The following ACACB variants were observed in gnomAD, a reference collection of about 807,000 sequenced individuals.
ACACB encodes the protein acetyl-CoA carboxylase beta.
Under a neutral mutation model 278.8 loss-of-function variants are expected in ACACB, and 209 were observed. That is an observed-to-expected ratio of 0.75 (90% confidence interval 0.67 to 0.84). ACACB has a LOEUF of 0.84. Ranked by LOEUF, ACACB falls within the 40% of genes least tolerant of loss-of-function variation. The probability of loss-of-function intolerance (pLI) is 0.00; values close to 1 mark genes in which losing one functional copy is unlikely to be tolerated. For synonymous variants in ACACB, 1,174 were observed against 1,285.6 expected (o/e 0.91, Z 1.86); for missense variants, 2,850 against 3,269.0 (o/e 0.87, Z 3.13).
intron 37 of ACACB, among the ~76,000 whole-genome samples, chr12:109,245,015 C>T (rs944278852): frequency 2.6e-5 from 4 of 151,960 alleles, no homozygotes; most frequent in African/African-American, 7.3e-5. Flanking sequence ...GCCTGACCAA[C>T]ATGGAGAAAC....
At chr12:109,177,853 C>T (rs998259908) in intron 9 of ACACB, among the ~76,000 whole-genome samples, 3 of 152,070 alleles carry the variant, frequency 2.0e-5, no homozygotes, top group Admixed American at 6.6e-5. Flanking sequence ...AAAAAATAGA[C>T]TTTATTTATT....
At chr12:109,233,146 A>T (rs2046525517) in intron 29 of ACACB, among the ~76,000 whole-genome samples, 1 of 152,178 alleles carries the variant, frequency 6.6e-6, no homozygotes, top group Non-Finnish European at 1.5e-5. Context: ...TCGTTTTCTT[A>T]TCTGTAAAAT....
At position 109,209,917 on chromosome 12, in the gene ACACB, GTA is replaced by G. The variant is rs1270343390; in HGVS notation, c.3249+570_3249+571del. Reference sequence around the variant, plus strand: ...TATATACACACATACACACACGTGTGTATATATGTGTATACACACATACACAC... The same window carrying G: ...TATATACACACATACACACACGTGTGTATATGTGTATACACACATACACAC... On this transcript the variant is annotated intron_variant, in intron 21 of 52. Coordinates refer to ENST00000338432, the MANE Select transcript of ACACB (RefSeq NM_001093.4). Among the ~76,000 whole-genome samples the G allele has an allele frequency of 1.3e-3, 142 of 106,112 alleles. 16 individuals carry two copies. In the South Asian group the frequency reaches 0.019, roughly 14 times the overall value. The allele number at this position is 106,112 out of a possible 152,430, so 69.6% of individuals were successfully genotyped here.
At chr12:109,262,950 T>TTTTATATATATATA (rs1346750205) in intron 49 of ACACB, 1,244 of 62,484 alleles carry the variant, frequency 0.02, 104 homozygotes, top group Admixed American at 0.042. Context: ...CTTTTTAACA[T>TTTTATATATATATA]TATATATATA....
At chr12:109,144,555 T>A (rs948875981) in intron 2 of ACACB, among the ~76,000 whole-genome samples, 9 of 152,050 alleles carry the variant, frequency 5.9e-5, no homozygotes, top group Admixed American at 2.6e-4. Context: ...CACAGCAAAT[T>A]TGATTTAAAA....
Position 109,191,886 on chromosome 12 carries a change from G to A in ACACB, c.2335G>A (p.Ala779Thr). 1 of 1,614,206 alleles carries A rather than the reference G, an allele frequency of 6.2e-7. No homozygotes were observed. The highest frequency in any genetic ancestry group is 8.5e-7 in the Non-Finnish European group (1 of 1,180,040). ...TATCATGCTTGGGGTGGTATGCGGG[G>A]CCTTGAACGTGGCCGATGCGATGTT... ...PDIMLGVVCG[A>T]LNVADAMFRT... The change falls in exon 15 of 53, where the codon GCC (alanine) becomes ACC (threonine). Residue 779 changes from alanine (A) to threonine (T), a missense_variant. Coordinates refer to ENST00000338432, the MANE Select transcript of ACACB (RefSeq NM_001093.4).
At chr12:109,219,714 T>C (rs972145363) in intron 24 of ACACB, among the ~76,000 whole-genome samples, 1 of 152,176 alleles carries the variant, frequency 6.6e-6, no homozygotes. Context: ...AAATCAAATA[T>C]GATAATGTGG....
intron 1 of ACACB, among the ~76,000 whole-genome samples, chr12:109,128,793 T>C (rs534803073): frequency 1.4e-4 from 22 of 151,974 alleles, no homozygotes; most frequent in East Asian, 1.4e-3. Context: ...GACTTTTTTT[T>C]CCCAATTTAA....
chr12:109,179,907 T>G lies in ACACB; in HGVS notation c.1648-10T>G. On this transcript the variant is annotated splice_polypyrimidine_tract_variant and intron_variant, in intron 10 of 52. Transcript: ENST00000338432. ...TGGAACCCCCTTGGCCTCTTTCTGT[T>G]TCTTCACAGTGTGCCATCCGCCTGG... The G allele has an allele frequency of 6.3e-7, 1 of 1,596,622 alleles. No individual in the cohort carries two copies. Among genetic ancestry groups the G allele is most frequent in the Non-Finnish European group, 8.6e-7 (1 of 1,165,632 alleles).
At chr12:109,259,634 A>G (rs1055880260) in intron 47 of ACACB, among the ~76,000 whole-genome samples, 1 of 151,794 alleles carries the variant, frequency 6.6e-6, no homozygotes, top group African/African-American at 2.4e-5. Flanking sequence ...GTCACTTTCT[A>G]GAGGTCACAC....
upstream of ACACB, among the ~76,000 whole-genome samples, chr12:109,111,850 T>TA (rs1446660665): frequency 2.0e-5 from 3 of 152,192 alleles, no homozygotes; most frequent in Admixed American, 1.3e-4. Flanking sequence ...TGCTTGAAAA[T>TA]ACTGCTTCCT....
intron 25 of ACACB, 28 bp from the exon 26 acceptor site, chr12:109,222,771 G>A (rs375880093): frequency 1.1e-5 from 18 of 1,595,016 alleles, no homozygotes; most frequent in Admixed American, 3.3e-5. Flanking sequence ...GTTGGCTCAC[G>A]CCAGCGCCCC....
At chr12:109,197,584 C>T (rs978392949) in intron 17 of ACACB, among the ~76,000 whole-genome samples, 3 of 152,048 alleles carry the variant, frequency 2.0e-5, no homozygotes, top group Non-Finnish European at 4.4e-5. Flanking sequence ...CCAGCCCATT[C>T]GGGAAGATGA....
At chr12:109,251,212 A>G (rs569577145) in intron 41 of ACACB, among the ~76,000 whole-genome samples, 2 of 152,100 alleles carry the variant, frequency 1.3e-5, no homozygotes, top group African/African-American at 2.4e-5. Flanking sequence ...GGTGTTTTCT[A>G]TCTATCAGGA....
At chr12:109,163,050 T>C (rs1184711438) in intron 2 of ACACB, among the ~76,000 whole-genome samples, 8 of 152,000 alleles carry the variant, frequency 5.3e-5, no homozygotes, top group Non-Finnish European at 1.0e-4. Context: ...CAGCCTCCCA[T>C]GTAGGGGGGA....
Position 109,245,674 on chromosome 12 carries a change from C to T in ACACB, c.5227C>T (p.Leu1743=). 1 of 1,614,196 alleles carries T rather than the reference C, an allele frequency of 6.2e-7. No individual in the cohort carries two copies. The highest frequency in any genetic ancestry group is 2.2e-5 in the East Asian group (1 of 44,884). ...GSPDKYPKDI[L]TYTELVLDSQ... ...CCCAGACAAGTATCCCAAAGACATC[C>T]TGACATACACTGAATTAGTGTTGGA... is the stretch of plus-strand genomic sequence containing the variant. Residue 1743 remains leucine (L), a synonymous_variant, in exon 38 of 53, where the codon CTG becomes TTG. Transcript: ENST00000338432.
At chr12:109,159,320 A>G (rs568401622) in intron 2 of ACACB, among the ~76,000 whole-genome samples, 5 of 152,168 alleles carry the variant, frequency 3.3e-5, no homozygotes, top group Admixed American at 1.3e-4. Flanking sequence ...AGCCGTTACC[A>G]TCTCTATTTT....
Position 109,265,188 on chromosome 12 carries a change from C to A in ACACB, c.7021C>A (p.Gln2341Lys). 6.2e-7 allele frequency: 1 copy of A among 1,613,852 alleles called. No individual in the cohort carries two copies. The highest frequency in any genetic ancestry group is 8.5e-7 in the Non-Finnish European group (1 of 1,180,036). ...CCTCCTCCTGGAGGACCAGGTCAAGCAGGAGATCCTGCAGGCCAGCGGGGA... is the reference window on the plus strand; with the variant it reads ...CCTCCTCCTGGAGGACCAGGTCAAGAAGGAGATCCTGCAGGCCAGCGGGGA... ...RRLLLEDQVK[Q>K]EILQASGELS... Residue 2341 changes from glutamine (Q) to lysine (K), a missense_variant, in exon 51 of 53, where the codon CAG becomes AAG. Physicochemically the swap from Gln to Lys is moderately conservative, Grantham distance 53. Coordinates refer to ENST00000338432, the MANE Select transcript of ACACB (RefSeq NM_001093.4).
At chr12:109,212,026 C>A (rs1385857264) in intron 21 of ACACB, among the ~76,000 whole-genome samples, 2 of 152,214 alleles carry the variant, frequency 1.3e-5, no homozygotes, top group African/African-American at 2.4e-5. Flanking sequence ...ACATTCCCAT[C>A]TCCTTGTTCC....
Sources: allele counts gnomAD v4.1 joint callset (sites outside exome capture counted in the v4.1 genomes callset), GRCh38; gene constraint gnomAD v4.1.1; transcripts MANE v1.5; gene names NCBI Gene and HGNC (gene_info 2026-07-23, HGNC 2026-07-21).